Variants in SULF1 observed in about 807,000 individuals in gnomAD.
SULF1 encodes the protein sulfatase 1.
Under a neutral mutation model 110.5 loss-of-function variants are expected in SULF1, and 46 were observed. The observed-to-expected ratio is 0.42, with a 90% CI of 0.33 to 0.53. SULF1 has a LOEUF of 0.53. Ranked by LOEUF, SULF1 falls within the 20% of genes least tolerant of loss-of-function variation. The pLI is 0.12. For missense variants in SULF1, 941 were observed against 1,094.2 expected (o/e 0.86, Z 1.98); for synonymous variants, 371 against 387.1 (o/e 0.96, Z 0.49).
At chr8:69,537,091 C>T (rs574249936) in intron 3 of SULF1, among the ~76,000 whole-genome samples, 2 of 152,162 alleles carry the variant, frequency 1.3e-5, no homozygotes, top group South Asian at 2.1e-4. Flanking sequence ...GCCCAGCAAA[C>T]GTAAGCTTCT....
chr8:69,482,811 A>T (rs1357862973), intron 1 of SULF1, among the ~76,000 whole-genome samples: 1 of 152,190 alleles, frequency 6.6e-6, no homozygotes, highest in Admixed American at 6.5e-5. Flanking sequence ...GGCAAAGTGA[A>T]CAACTAGGAT....
chr8:69,625,609 CGT>C (rs1332315356), intron 15 of SULF1, among the ~76,000 whole-genome samples: 5 of 152,110 alleles, frequency 3.3e-5, no homozygotes, highest in Non-Finnish European at 7.4e-5. Flanking sequence ...TAAGGCAGCG[CGT>C]CTGGAGTTGT....
chr8:69,589,943 C>T (rs1806770813), intron 8 of SULF1, among the ~76,000 whole-genome samples: 2 of 152,136 alleles, frequency 1.3e-5, no homozygotes, highest in Admixed American at 1.3e-4. Flanking sequence ...GAAAGCCTGA[C>T]CATTAGGGAG....
At chr8:69,563,170 C>T (rs1209645150) in intron 3 of SULF1, 1 of 152,590 alleles carries the variant, frequency 6.6e-6, no homozygotes, top group African/African-American at 2.4e-5. Context: ...CAACATGCCC[C>T]TTGCGCCATC....
chr8:69,644,482 A>G (rs977905436), intron 22 of SULF1, among the ~76,000 whole-genome samples: 5 of 151,922 alleles, frequency 3.3e-5, no homozygotes, highest in Non-Finnish European at 7.4e-5. Flanking sequence ...GCACCACCAA[A>G]CTCCATCATC....
At chr8:69,644,369 C>G (rs1811719453) in intron 22 of SULF1, among the ~76,000 whole-genome samples, 1 of 152,184 alleles carries the variant, frequency 6.6e-6, no homozygotes. Flanking sequence ...ATGCTGAATG[C>G]AGGACATTTA....
intron 1 of SULF1, among the ~76,000 whole-genome samples, chr8:69,483,935 A>G (rs909842688): frequency 6.6e-6 from 1 of 152,254 alleles, no homozygotes; most frequent in African/African-American, 2.4e-5. Flanking sequence ...TAAGTGCTAT[A>G]CATACATTAT....
chr8:69,545,672 T>G (rs992550895), intron 3 of SULF1, among the ~76,000 whole-genome samples: 2 of 152,044 alleles, frequency 1.3e-5, no homozygotes, highest in African/African-American at 4.8e-5. Context: ...TTTTGTTTTG[T>G]TTTGTTTTGT....
rs1809557337 is a variant in SULF1, at chr8:69,621,071, C to T, written c.1414C>T (p.Arg472Ter). 1 of 1,612,548 alleles carries T rather than the reference C, an allele frequency of 6.2e-7. No individual in the cohort carries two copies. Among genetic ancestry groups the T allele is most frequent in the Non-Finnish European group, 8.5e-7 (1 of 1,178,758 alleles). The change falls in exon 14 of 23, where the codon CGA (arginine) becomes TGA (stop). Residue 472 changes from arginine (R) to a stop codon, truncating the protein, a stop_gained. Transcript: ENST00000402687. LOFTEE classifies it high-confidence loss of function. The stretch of plus-strand genomic sequence containing the variant: ...CATTGAGGATACATCTGGCAAGCTT[C>T]GAATTCACAAGTGTAAAGGACCCAG... Reference protein sequence around the residue: ...QCIEDTSGKLRIHKCKGPSDL... With the variant: ...QCIEDTSGKL
intron 17 of SULF1, 47 bp downstream of exon 17, chr8:69,627,913 A>T: frequency 6.9e-7 from 1 of 1,456,450 alleles, no homozygotes; most frequent in Non-Finnish European, 9.6e-7. Flanking sequence ...TCATTTCCGC[A>T]CAAGCCAGAG....
At chr8:69,501,847 T>C (rs909195074) in intron 2 of SULF1, 27 bp from the exon 3 acceptor site, 1 of 152,224 alleles carries the variant, frequency 6.6e-6, no homozygotes, top group Non-Finnish European at 1.5e-5. Flanking sequence ...ACGTAACTGA[T>C]GGCAATTTTG....
chr8:69,614,978 A>G (rs1364280904), intron 13 of SULF1, among the ~76,000 whole-genome samples: 1 of 152,232 alleles, frequency 6.6e-6, no homozygotes. Flanking sequence ...GAAGGAATGA[A>G]CCATCAGTGA....
In SULF1 at chr8:69,564,016, G is replaced by T; in HGVS notation, c.41G>T (p.Gly14Val). 1 of 1,614,168 alleles carries T rather than the reference G, an allele frequency of 6.2e-7. No individual in the cohort carries two copies. The highest frequency in any genetic ancestry group is 8.5e-7 in the Non-Finnish European group (1 of 1,180,030). The change falls in exon 5 of 23, where the codon GGC becomes GTC. Residue 14 changes from glycine (G) to valine (V), a missense_variant. Gly to Val is a moderately radical substitution (Grantham distance 109). This residue lies in a region of SULF1 where 822 missense variants were observed against 934.3 expected (regional missense o/e 0.88). Coordinates refer to ENST00000402687, the MANE Select transcript of SULF1 (RefSeq NM_001128205.2). ...TGTGCTCTGGTTTTGGCTGTCCTGGGCACAGAATTGCTGGGAAGCCTCTGT... is the reference window on the plus strand; with the variant it reads ...TGTGCTCTGGTTTTGGCTGTCCTGGTCACAGAATTGCTGGGAAGCCTCTGT... ...SCCALVLAVLGTELLGSLCST... is the reference protein window; with the variant it reads ...SCCALVLAVLVTELLGSLCST...
At chr8:69,534,566 T>C (rs1208919835) in intron 3 of SULF1, among the ~76,000 whole-genome samples, 1 of 152,222 alleles carries the variant, frequency 6.6e-6, no homozygotes, top group Admixed American at 6.5e-5. Context: ...AATATTACAT[T>C]TCTTCTACTT....
At chr8:69,593,527 C>T (rs1807059528) in intron 8 of SULF1, among the ~76,000 whole-genome samples, 1 of 152,168 alleles carries the variant, frequency 6.6e-6, no homozygotes, top group Non-Finnish European at 1.5e-5. Flanking sequence ...CCCTCTCAGA[C>T]TGGGGTGAAT....
At chr8:69,485,069 T>A (rs1380405474) in intron 1 of SULF1, among the ~76,000 whole-genome samples, 1 of 152,292 alleles carries the variant, frequency 6.6e-6, no homozygotes, top group East Asian at 1.9e-4. Context: ...AGGGACCAGT[T>A]GGAGGGAAGA....
intron 3 of SULF1, among the ~76,000 whole-genome samples, chr8:69,514,496 G>T (rs1206382490): frequency 1.3e-5 from 2 of 152,178 alleles, no homozygotes; most frequent in Non-Finnish European, 2.9e-5. Context: ...TGAGATTTGG[G>T]TGGGGGTACA....
chr8:69,470,914 A>T (rs1181771947), intron 1 of SULF1, among the ~76,000 whole-genome samples: 1 of 150,960 alleles, frequency 6.6e-6, no homozygotes, highest in Non-Finnish European at 1.5e-5. Context: ...AGCCCTAACC[A>T]CTCTAGTTTT....
chr8:69,534,401 C>G (rs1172049834), intron 3 of SULF1, among the ~76,000 whole-genome samples: 1 of 152,062 alleles, frequency 6.6e-6, no homozygotes, highest in Non-Finnish European at 1.5e-5. Context: ...TTAACTCCGT[C>G]TTTAAGAGAA....
Sources: gnomAD v4.1 joint callset for allele counts (sites outside exome capture counted in the v4.1 genomes callset) on GRCh38, gnomAD v4.1.1 for gene constraint, gnomAD v4.1.1 regional missense constraint, MANE v1.5 for transcripts, NCBI Gene and HGNC (gene_info 2026-07-23, HGNC 2026-07-21) for gene names.